The following SSH3 variants were observed in gnomAD, a reference collection of about 807,000 sequenced individuals.
The protein encoded by SSH3 is protein phosphatase Slingshot homolog 3.
SSH3 carries 67 observed loss-of-function variants against 75.0 expected under a neutral mutation model. The ratio of observed to expected loss-of-function variants is 0.89; its 90% CI spans 0.73 to 1.10. The LOEUF (loss-of-function observed/expected upper bound fraction) is 1.10. Among genes scored for constraint, SSH3 ranks in the 50% least tolerant of loss-of-function variants. SSH3 has a pLI of 0.00. For missense variants in SSH3, 824 were observed against 872.7 expected (o/e 0.94, Z 0.70); for synonymous variants, 318 against 349.2 (o/e 0.91, Z 1.00).
In SSH3 at chr11:67,308,310, T is replaced by G; in HGVS notation, c.1014+8T>G. 1 of 1,614,096 alleles carries G rather than the reference T, an allele frequency of 6.2e-7. No individual in the cohort carries two copies. Among genetic ancestry groups the G allele is most frequent in the Non-Finnish European group, 8.5e-7 (1 of 1,180,004 alleles). On this transcript the variant is annotated splice_region_variant and intron_variant, in intron 9 of 13. Transcript: ENST00000308127. The surrounding 1 kb of genome is among the most constrained non-coding windows in gnomAD (Gnocchi z 4.9). ...TTCCCCCACCTCTACCTGGTGAGCT[T>G]CAGCCAGGCCTGGGCCATGGGGACC... is the stretch of plus-strand genomic sequence containing the variant.
Position 67,303,556 on chromosome 11 carries a change from C to G in SSH3, c.-70C>G. 4.8e-6 allele frequency: 7 copies of G among 1,468,662 alleles called. No individual in the cohort carries two copies. In the South Asian group the frequency reaches 8.6e-5, roughly 18 times the overall value. 91.0% of individuals were successfully genotyped at this position (1,468,662 alleles called of 1,614,324 possible). A position where few individuals can be genotyped will look rare whatever the true frequency, so the allele number is the denominator to read the frequency against. On this transcript the variant is annotated 5_prime_UTR_variant, in exon 1 of 14. Coordinates refer to ENST00000308127, the MANE Select transcript of SSH3 (RefSeq NM_017857.4). ...TCCGTCCTTCCTGGTCCTGCGGGTC[C>G]AGGACTGTCCGCGGGGTTGAGGGAA...
chr11:67,307,109 G>T lies in SSH3; in HGVS notation c.532G>T (p.Asp178Tyr). 1 of 1,613,732 alleles carries T rather than the reference G, an allele frequency of 6.2e-7. No individual in the cohort carries two copies. The highest frequency in any genetic ancestry group is 1.1e-5 in the South Asian group (1 of 91,068). ...TGACACCCAGGTGTACTTAGATGGA[G>T]ACGGGTAAGCAATGGCAACTGGAGG... ...WSDTQVYLDG[D>Y]GGFSVTSGGQ... The change falls in exon 5 of 14, where the codon GAC becomes TAC. Residue 178 changes from aspartate to tyrosine, a missense_variant. By Grantham distance (160) the Asp-to-Tyr change is radical. Transcript: ENST00000308127. The surrounding 1 kb of genome is among the most constrained non-coding windows in gnomAD (Gnocchi z 4.2).
chr11:67,304,434 T>A (rs1464039595), intron 2 of SSH3, among the ~76,000 whole-genome samples: 1 of 152,138 alleles, frequency 6.6e-6, no homozygotes, highest in African/African-American at 2.4e-5. Flanking sequence ...GAGGGCATGA[T>A]GGGCCTGAGG....
chr11:67,305,315 G>T (rs6591240), intron 3 of SSH3, among the ~76,000 whole-genome samples: 140,001 of 151,274 alleles, frequency 0.93, 65,066 homozygotes, highest in South Asian at 0.97. Context: ...GCCTCCCGAG[G>T]AGCTGGGACT....
chr11:67,304,664 T>C (rs148760251), intron 2 of SSH3, 109 bp from the exon 3 acceptor site: 2 of 1,149,540 alleles, frequency 1.7e-6, no homozygotes, highest in East Asian at 2.6e-5. Flanking sequence ...TGGGGGCCCA[T>C]GAATCCGTGT....
At chr11:67,303,942 C>T (rs1861146563) in intron 1 of SSH3, 176 bp from the exon 2 acceptor site, 3 of 910,262 alleles carry the variant, frequency 3.3e-6, no homozygotes, top group Admixed American at 3.5e-5. Flanking sequence ...GCCCACCCAG[C>T]CGACCTGGCC....
In SSH3 at chr11:67,309,926, T is replaced by C; in HGVS notation, c.1367T>C (p.Phe456Ser). 6.2e-7 allele frequency: 1 copy of C among 1,610,978 alleles called. No homozygotes were observed. The highest frequency in any genetic ancestry group is 8.5e-7 in the Non-Finnish European group (1 of 1,179,972). Residue 456 changes from phenylalanine to serine, a missense_variant, in exon 12 of 14, where the codon TTC becomes TCC. Physicochemically the swap from Phe to Ser is radical, Grantham distance 155. Transcript: ENST00000308127. ...LRPIARPNPG[F>S]LRQLQIYQGI... ...CCCATCGCCCGCCCCAACCCTGGCT[T>C]CCTGCGCCAGCTGCAGATCTACCAG...
chr11:67,306,686 A>T (rs202039345), intron 3 of SSH3, 152 bp from the exon 4 acceptor site: 4 of 941,748 alleles, frequency 4.2e-6, no homozygotes, highest in East Asian at 2.7e-5. Context: ...TTTTTTCCAC[A>T]CAGTCCCTCT....
At chr11:67,303,930 G>A in intron 1 of SSH3, 188 bp from the exon 2 acceptor site, 1 of 841,456 alleles carries the variant, frequency 1.2e-6, no homozygotes, top group South Asian at 2.0e-5. Context: ...GCCACACTCG[G>A]CGCCCACCCA....
At chr11:67,304,512 G>A (rs1861173041) in intron 2 of SSH3, among the ~76,000 whole-genome samples, 1 of 152,238 alleles carries the variant, frequency 6.6e-6, no homozygotes, top group Non-Finnish European at 1.5e-5. Context: ...AAAAGGAGCA[G>A]CCCCCTCTCC....
At chr11:67,306,411 G>T (rs530542608) in intron 3 of SSH3, among the ~76,000 whole-genome samples, 4 of 152,248 alleles carry the variant, frequency 2.6e-5, no homozygotes, top group African/African-American at 7.2e-5. Context: ...ACCAGCCCAA[G>T]AAACATAGGG....
intron 3 of SSH3, 39 bp from the exon 4 acceptor site, chr11:67,306,799 T>C: frequency 6.3e-7 from 1 of 1,578,958 alleles, no homozygotes; most frequent in South Asian, 1.1e-5. Flanking sequence ...GCAGGGTCCT[T>C]GGGGCCACTG....
In SSH3 at chr11:67,311,975, T is replaced by C. The variant is rs537859860; in HGVS notation, c.*88T>C. 1.3e-6 allele frequency: 2 copies of C among 1,534,324 alleles called. No individual in the cohort carries two copies. The highest frequency in any genetic ancestry group is 8.8e-7 in the Non-Finnish European group (1 of 1,141,868). On this transcript the variant is annotated 3_prime_UTR_variant, in exon 14 of 14. Transcript: ENST00000308127. Reference sequence around the variant, plus strand: ...CCCTCACGTCTGTTGCCGCACACATTCCTCTCAGCTCCGCCCCATACCCGT... The same window carrying C: ...CCCTCACGTCTGTTGCCGCACACATCCCTCTCAGCTCCGCCCCATACCCGT...
intron 1 of SSH3, 53 bp downstream of exon 1, chr11:67,303,744 G>T: frequency 7.1e-7 from 1 of 1,418,174 alleles, no homozygotes; most frequent in South Asian, 1.5e-5. Context: ...CCCGGCTTGG[G>T]AGCGCGTCCT....
chr11:67,309,850 CAG>C lies in SSH3; in HGVS notation c.1292_1293del (p.Gln431LeufsTer61). The C allele has an allele frequency of 6.2e-7, 1 of 1,613,316 alleles. No individual in the cohort carries two copies. ...AATVLAYAMK[Q>X]YECSLEQALR... ...CACAGTGCTGGCCTATGCCATGAAG[CAG>C]TACGAATGCAGCCTGGAGCAGGCCC... is the stretch of plus-strand genomic sequence containing the variant. On this transcript the variant is annotated frameshift_variant, in exon 12 of 14. Coordinates refer to ENST00000308127, the MANE Select transcript of SSH3 (RefSeq NM_017857.4).
At position 67,304,818 on chromosome 11, in the gene SSH3, T is replaced by A; in HGVS notation, c.150T>A (p.Asp50Glu). The A allele has an allele frequency of 1.2e-6, 2 of 1,612,676 alleles. No individual in the cohort carries two copies. Among genetic ancestry groups the A allele is most frequent in the Non-Finnish European group, 1.7e-6 (2 of 1,179,610 alleles). Reference sequence around the variant, plus strand: ...GTGGGGCTGTCCTGGGACTGCAGGATGGAGGGGACAATGATGATGCAGCAG... The same window carrying A: ...GTGGGGCTGTCCTGGGACTGCAGGAAGGAGGGGACAATGATGATGCAGCAG... ...VLRGAVLGLQ[D>E]GGDNDDAAEA... The change falls in exon 3 of 14, where the codon GAT becomes GAA. Residue 50 changes from aspartate to glutamate, a missense_variant. Transcript: ENST00000308127.
In SSH3 at chr11:67,311,884, C is replaced by T. The variant is rs764053058; in HGVS notation, c.1977C>T (p.Ala659=). The T allele has an allele frequency of 1.4e-5, 23 of 1,609,734 alleles. 1 individual carries two copies. In the Admixed American group the frequency reaches 3.9e-4, roughly 27 times the overall value. Residue 659 remains alanine (A), a synonymous_variant, in exon 14 of 14, where the codon GCC becomes GCT. Transcript: ENST00000308127. ...ATGACAGTGGAGAGGAGGGCGAGGC[C>T]TGAGCCCTCACACATGCCCACGCTC... The part of the protein sequence containing the change: ...SVHDSGEEGE[A]
Position 67,303,578 on chromosome 11 carries a change from G to A in SSH3, c.-48G>A, listed in dbSNP as rs1399521549. On this transcript the variant is annotated 5_prime_UTR_variant, in exon 1 of 14. Coordinates refer to ENST00000308127, the MANE Select transcript of SSH3 (RefSeq NM_017857.4). ...GTCCAGGACTGTCCGCGGGGTTGAG[G>A]GAAGGGGCCGTGCCCGGTGCCAGCC... The A allele has an allele frequency of 2.0e-6, 3 of 1,509,836 alleles. No homozygotes were observed. The highest frequency in any genetic ancestry group is 1.4e-5 in the African/African-American group (1 of 69,674). 93.5% of individuals were successfully genotyped at this position (1,509,836 alleles called of 1,614,324 possible).
Position 67,303,685 on chromosome 11 carries a change from G to T in SSH3, c.60G>T (p.Gly20=). Residue 20 remains glycine, a synonymous_variant, in exon 1 of 14, where the codon GGG becomes GGT. Coordinates refer to ENST00000308127, the MANE Select transcript of SSH3 (RefSeq NM_017857.4). The stretch of plus-strand genomic sequence containing the variant: ...GCAGCGGCGCCTCCACGCCCGTGGG[G>T]CCCTGGGTGAGTGTGGTCCGGCCGT... ...PPGSGASTPV[G]PWDQAVQRRS... 1 of 1,509,730 alleles carries T rather than the reference G, an allele frequency of 6.6e-7. No homozygotes were observed. The highest frequency in any genetic ancestry group is 8.8e-7 in the Non-Finnish European group (1 of 1,135,738). 93.5% of individuals were successfully genotyped at this position (1,509,730 alleles called of 1,614,324 possible). A position where few individuals can be genotyped will look rare whatever the true frequency, so the allele number is the denominator to read the frequency against.
Sources: allele counts gnomAD v4.1 joint callset (sites outside exome capture counted in the v4.1 genomes callset), GRCh38; gene constraint gnomAD v4.1.1; non-coding constraint Gnocchi (gnomAD v3.1); transcripts MANE v1.5; gene names NCBI Gene and HGNC (gene_info 2026-07-23, HGNC 2026-07-21).